TBC1D22B: variants seen among roughly 807,000 people sequenced by gnomAD.
The protein encoded by TBC1D22B is TBC1 domain family member 22B, also known as chromosome 6 open reading frame 197.
Under a neutral mutation model 69.1 loss-of-function variants are expected in TBC1D22B, and 32 were observed. The observed-to-expected ratio is 0.46, with a 90% confidence interval of 0.35 to 0.62. The LOEUF is 0.62. TBC1D22B is among the 20% of genes least tolerant of loss of function. TBC1D22B has a pLI of 0.00. For synonymous variants in TBC1D22B, 206 were observed against 229.8 expected, an observed-to-expected ratio of 0.90 and a Z score of 0.94; for missense variants, 462 against 630.9, an observed-to-expected ratio of 0.73 and a Z score of 2.87.
At chr6:37,313,090 T>C in intron 9 of TBC1D22B, 66 bp downstream of exon 9, 1 of 1,300,222 alleles carries the variant, frequency 7.7e-7, no homozygotes, top group Non-Finnish European at 1.1e-6. Context: ...GGGCTTTGGT[T>C]TCTTTCTTGC....
intron 1 of TBC1D22B, among the ~76,000 whole-genome samples, chr6:37,267,183 C>T (rs995138686): frequency 6.6e-6 from 1 of 150,782 alleles, no homozygotes; most frequent in African/African-American, 2.4e-5. Flanking sequence ...AGTTCTCACA[C>T]CTCAGCATCC....
At chr6:37,278,939 AAG>A (rs1491021449) in intron 2 of TBC1D22B, among the ~76,000 whole-genome samples, 1 of 151,862 alleles carries the variant, frequency 6.6e-6, no homozygotes, top group Non-Finnish European at 1.5e-5. Context: ...AAAAAAAAAA[AAG>A]AGAGAGGTTA....
chr6:37,287,778 T>C (rs751620596), intron 7 of TBC1D22B, among the ~76,000 whole-genome samples: 1 of 152,238 alleles, frequency 6.6e-6, no homozygotes, highest in Non-Finnish European at 1.5e-5. Context: ...CATCTATCAG[T>C]GGACACATGG....
intron 2 of TBC1D22B, among the ~76,000 whole-genome samples, chr6:37,273,930 C>T (rs535391386): frequency 6.6e-6 from 1 of 152,334 alleles, no homozygotes; most frequent in African/African-American, 2.4e-5. Flanking sequence ...GAAGCCTTTA[C>T]ATTGGGTCTT....
At chr6:37,325,496 T>C (rs1301532917) in intron 12 of TBC1D22B, among the ~76,000 whole-genome samples, 5 of 151,586 alleles carry the variant, frequency 3.3e-5, no homozygotes, top group Non-Finnish European at 4.4e-5. Flanking sequence ...AGCTCCTGAT[T>C]TGTGATTAGC....
intron 3 of TBC1D22B, 48 bp from the exon 4 acceptor site, chr6:37,282,137 C>A (rs41272216): frequency 0.11 from 174,769 of 1,595,106 alleles, 10,341 homozygotes; most frequent in Non-Finnish European, 0.12. Context: ...TTCTCAGAAT[C>A]CATACTCCTC....
intron 8 of TBC1D22B, among the ~76,000 whole-genome samples, chr6:37,296,367 C>T (rs1004774073): frequency 1.3e-5 from 2 of 152,008 alleles, no homozygotes; most frequent in East Asian, 1.9e-4. Flanking sequence ...ATTGATTGAT[C>T]GAGACAGGGT....
intron 10 of TBC1D22B, among the ~76,000 whole-genome samples, chr6:37,314,342 G>T (rs1768012904): frequency 6.6e-6 from 1 of 152,196 alleles, no homozygotes; most frequent in Non-Finnish European, 1.5e-5. Flanking sequence ...CATCCAGCCT[G>T]TCGTCCGGCC....
chr6:37,329,266 C>T (rs913595377), intron 12 of TBC1D22B, among the ~76,000 whole-genome samples: 45 of 152,212 alleles, frequency 3.0e-4, no homozygotes, highest in African/African-American at 1.0e-3. Context: ...CTGCAACTGC[C>T]TTTTTTATCC....
At chr6:37,325,897 C>A (rs1768385290) in intron 12 of TBC1D22B, among the ~76,000 whole-genome samples, 1 of 152,140 alleles carries the variant, frequency 6.6e-6, no homozygotes, top group African/African-American at 2.4e-5. Context: ...AGGGTCGGGG[C>A]TAGAGGTGGG....
chr6:37,306,404 C>A (rs553725455), intron 8 of TBC1D22B, among the ~76,000 whole-genome samples: 3 of 152,290 alleles, frequency 2.0e-5, no homozygotes, highest in African/African-American at 7.2e-5. Flanking sequence ...CCTGAGCCTC[C>A]CAGAGCCTGT....
intron 2 of TBC1D22B, among the ~76,000 whole-genome samples, chr6:37,277,996 C>T (rs1466704787): frequency 6.6e-6 from 1 of 150,386 alleles, no homozygotes; most frequent in African/African-American, 2.4e-5. Context: ...TGGTGGTGTG[C>T]GCCTATAGTC....
chr6:37,306,002 G>C (rs546008540), intron 8 of TBC1D22B, among the ~76,000 whole-genome samples: 1 of 152,216 alleles, frequency 6.6e-6, no homozygotes, highest in East Asian at 1.9e-4. Context: ...AGCCTCCCAT[G>C]TGATAGGCAG....
At chr6:37,309,417 G>A (rs1331936414) in intron 8 of TBC1D22B, among the ~76,000 whole-genome samples, 1 of 152,194 alleles carries the variant, frequency 6.6e-6, no homozygotes, top group Non-Finnish European at 1.5e-5. Context: ...GCATTGCAAT[G>A]TTCTGGAATC....
At chr6:37,281,568 T>C (rs1008698073) in intron 3 of TBC1D22B, among the ~76,000 whole-genome samples, 3 of 152,208 alleles carry the variant, frequency 2.0e-5, no homozygotes, top group South Asian at 4.1e-4. Flanking sequence ...CAGGGCACAC[T>C]GGTGGGCCAA....
intron 2 of TBC1D22B, among the ~76,000 whole-genome samples, chr6:37,274,373 T>C (rs1026164773): frequency 6.6e-6 from 1 of 152,232 alleles, no homozygotes; most frequent in East Asian, 1.9e-4. Flanking sequence ...TCCTAACCAG[T>C]GTAACCTGTG....
intron 12 of TBC1D22B, among the ~76,000 whole-genome samples, chr6:37,326,047 A>T (rs945989813): frequency 6.6e-6 from 1 of 152,056 alleles, no homozygotes; most frequent in African/African-American, 2.4e-5. Flanking sequence ...TTCTGTTAAG[A>T]CTGGAAGAAT....
chr6:37,292,272 G>T (rs976677931), intron 8 of TBC1D22B, among the ~76,000 whole-genome samples: 19 of 152,142 alleles, frequency 1.2e-4, no homozygotes, highest in Non-Finnish European at 4.4e-5. Flanking sequence ...CCATTTGGAG[G>T]GGTTAGAGGG....
intron 8 of TBC1D22B, among the ~76,000 whole-genome samples, chr6:37,312,717 T>G (rs929600013): frequency 6.6e-6 from 1 of 152,210 alleles, no homozygotes; most frequent in African/African-American, 2.4e-5. Context: ...TGTAGTGAGA[T>G]CTTCAAGAAC....
Sources: allele counts gnomAD v4.1 joint callset (sites outside exome capture counted in the v4.1 genomes callset), GRCh38; gene constraint gnomAD v4.1.1; transcripts MANE v1.5; gene names NCBI Gene and HGNC (gene_info 2026-07-23, HGNC 2026-07-21).